PTPRN2: variants seen among roughly 807,000 people sequenced by gnomAD.
PTPRN2 encodes the protein protein tyrosine phosphatase receptor type N2, also known as receptor-type tyrosine-protein phosphatase N2.
In PTPRN2, 74 loss-of-function variants were observed where a neutral mutation model predicts 118.8. The observed-to-expected ratio is 0.62, with a 90% CI of 0.52 to 0.76. The LOEUF is 0.76. Among genes scored for constraint, PTPRN2 ranks in the 30% least tolerant of loss-of-function variants. The pLI, the probability that PTPRN2 is intolerant of heterozygous loss-of-function variation, is 0.00. For synonymous variants in PTPRN2, 641 were observed against 608.0 expected (o/e 1.05, Z -0.80); for missense variants, 1,481 against 1,394.4 (o/e 1.06, Z -0.99).
chr7:157,770,700 A>G (rs558195036), intron 12 of PTPRN2, among the ~76,000 whole-genome samples: 13 of 152,362 alleles, frequency 8.5e-5, no homozygotes, highest in African/African-American at 3.1e-4. Flanking sequence ...CAGCTCGGGT[A>G]GACGGACATC....
intron 11 of PTPRN2, among the ~76,000 whole-genome samples, chr7:158,054,153 GAA>G (rs1196347953): frequency 6.6e-6 from 1 of 152,208 alleles, no homozygotes; most frequent in Non-Finnish European, 1.5e-5. Flanking sequence ...GCCCTAGAGA[GAA>G]GTCACTGACA....
chr7:157,590,070 A>G lies in PTPRN2; in HGVS notation c.2496+5168T>C, dbSNP rs1315152402. Among the ~76,000 whole-genome samples the G allele has an allele frequency of 6.6e-6, 1 of 152,216 alleles. No individual in the cohort carries two copies. Among genetic ancestry groups the G allele is most frequent in the Non-Finnish European group, 1.5e-5 (1 of 68,040 alleles). On this transcript the variant is annotated intron_variant, in intron 17 of 22. Coordinates refer to ENST00000389418, the MANE Select transcript of PTPRN2 (RefSeq NM_002847.5). The surrounding 1 kb of genome is among the most constrained non-coding windows in gnomAD (Gnocchi z 4.0). ...TTGCAGAAGGAACATCATATTCCAG[A>G]TATCATCCCAGAATGACCAGCAGAG... is the stretch of plus-strand genomic sequence containing the variant.
At chr7:157,837,294 TCCACCCACCTGC>T (rs547087993) in intron 12 of PTPRN2, among the ~76,000 whole-genome samples, 8 of 150,158 alleles carry the variant, frequency 5.3e-5, no homozygotes, top group African/African-American at 2.0e-4. Context: ...CCACCACCTG[TCCACCCACCTGC>T]CCATCGACAC....
intron 11 of PTPRN2, among the ~76,000 whole-genome samples, chr7:157,989,030 C>T (rs543277994): frequency 1.6e-3 from 240 of 152,346 alleles, no homozygotes; most frequent in African/African-American, 5.1e-3. Context: ...CATTCCTCTG[C>T]GCTAAGGAAC....
intron 11 of PTPRN2, among the ~76,000 whole-genome samples, chr7:158,008,725 C>T (rs756157905): frequency 6.6e-6 from 1 of 152,204 alleles, no homozygotes; most frequent in Non-Finnish European, 1.5e-5. Context: ...TTGGCGCATG[C>T]GGGCCTCTAA....
At chr7:158,188,704 C>T (rs1306002037) in intron 5 of PTPRN2, among the ~76,000 whole-genome samples, 1 of 144,080 alleles carries the variant, frequency 6.9e-6, no homozygotes, top group Non-Finnish European at 1.5e-5. Flanking sequence ...CCGCCACGCC[C>T]GCCCCCTGTA....
At chr7:157,972,530 G>A (rs113204239) in intron 11 of PTPRN2, among the ~76,000 whole-genome samples, 10 of 132,780 alleles carry the variant, frequency 7.5e-5, no homozygotes, top group South Asian at 2.7e-4. Flanking sequence ...ACGAGAGCAG[G>A]GCTTCAGAGA....
intron 2 of PTPRN2, among the ~76,000 whole-genome samples, chr7:158,347,931 C>G (rs1185258512): frequency 6.6e-6 from 1 of 152,008 alleles, no homozygotes; most frequent in Non-Finnish European, 1.5e-5. Flanking sequence ...CCTTGCATTC[C>G]TGGGGGTGCC....
At chr7:158,151,057 C>A (rs200336249) in intron 6 of PTPRN2, among the ~76,000 whole-genome samples, 18 of 121,256 alleles carry the variant, frequency 1.5e-4, no homozygotes, top group African/African-American at 5.2e-4. Context: ...CCTGCCCACA[C>A]TGCCCGCCTT....
At chr7:157,941,574 G>A (rs959720386) in intron 11 of PTPRN2, among the ~76,000 whole-genome samples, 7 of 152,198 alleles carry the variant, frequency 4.6e-5, no homozygotes, top group Non-Finnish European at 1.0e-4. Context: ...AACCAGAGCA[G>A]CCACAGCAAG....
In PTPRN2 at chr7:158,517,743, T is replaced by C. The variant is rs923676875; in HGVS notation, c.113-27958A>G. 2.1e-4 allele frequency among the ~76,000 whole-genome samples: 32 copies of C among 150,592 alleles called. No homozygotes were observed. The South Asian group carries it at 2.6e-3, about 12-fold the overall frequency. ...GGCGCTTCCAGACTCATCCCCACCA[T>C]AGCCAGGCAGGCCTCCAGATGCCTC... On this transcript the variant is annotated intron_variant, in intron 1 of 22. Transcript: ENST00000389418. This position sits in a 1 kb window ranked among gnomAD's most constrained non-coding sequence, Gnocchi z 5.3.
chr7:157,650,656 G>A (rs1805591863), intron 14 of PTPRN2, among the ~76,000 whole-genome samples: 1 of 152,202 alleles, frequency 6.6e-6, no homozygotes, highest in Non-Finnish European at 1.5e-5. Context: ...ACGTGGGAAC[G>A]ATGGAATGGA....
intron 1 of PTPRN2, among the ~76,000 whole-genome samples, chr7:158,581,571 G>C (rs1229990196): frequency 6.6e-6 from 1 of 152,166 alleles, no homozygotes; most frequent in African/African-American, 2.4e-5. Context: ...TCCAGAATCG[G>C]TTTTGTAACT....
At chr7:158,291,359 A>T (rs566972536) in intron 3 of PTPRN2, among the ~76,000 whole-genome samples, 2 of 152,230 alleles carry the variant, frequency 1.3e-5, no homozygotes, top group African/African-American at 4.8e-5. Flanking sequence ...AGAATCACAC[A>T]TATTTGTTGA....
chr7:158,453,607 C>CCGGG (rs1818242050), intron 2 of PTPRN2, among the ~76,000 whole-genome samples: 1 of 91,334 alleles, frequency 1.1e-5, no homozygotes, highest in Non-Finnish European at 2.5e-5. Flanking sequence ...ACTGTTGCCC[C>CCGGG]TGGGTGAGCT....
At position 158,353,531 on chromosome 7, in the gene PTPRN2, G is replaced by A. The variant is rs73748222; in HGVS notation, c.164-36599C>T. Among the ~76,000 whole-genome samples, 1,202 of 152,204 alleles carry A rather than the reference G, an allele frequency of 7.9e-3. 15 individuals are homozygous for A. The highest frequency in any genetic ancestry group is 0.027 in the African/African-American group (1,133 of 41,522). The stretch of plus-strand genomic sequence containing the variant: ...TGAAATGGGGTTTCTGGTTCCAAAC[G>A]GCAGGACAGGAGCAAGCTGTCTCAC... On this transcript the variant is annotated intron_variant, in intron 2 of 22. Transcript: ENST00000389418.
intron 2 of PTPRN2, among the ~76,000 whole-genome samples, chr7:158,442,104 C>T (rs112698755): frequency 0.22 from 15,420 of 70,674 alleles, 611 homozygotes; most frequent in African/African-American, 0.3. Context: ...GTGATGGTCA[C>T]GGCAGTGGTG....
intron 10 of PTPRN2, among the ~76,000 whole-genome samples, chr7:158,108,854 C>T (rs1391055455): frequency 6.6e-6 from 1 of 152,244 alleles, no homozygotes; most frequent in African/African-American, 2.4e-5. Flanking sequence ...GGCCAGGTTG[C>T]CACAGGTGCC....
At chr7:157,767,024 A>G (rs977758513) in intron 12 of PTPRN2, among the ~76,000 whole-genome samples, 4 of 152,070 alleles carry the variant, frequency 2.6e-5, no homozygotes, top group African/African-American at 7.2e-5. Flanking sequence ...GGCACCACCT[A>G]GCACCATACA....
Sources: gnomAD v4.1 joint callset for allele counts (sites outside exome capture counted in the v4.1 genomes callset) on GRCh38, gnomAD v4.1.1 for gene constraint, Gnocchi (gnomAD v3.1) non-coding constraint, MANE v1.5 for transcripts, NCBI Gene and HGNC (gene_info 2026-07-23, HGNC 2026-07-21) for gene names.